The following FTO variants were observed in gnomAD, a reference collection of about 807,000 sequenced individuals.
The protein encoded by FTO is alpha-ketoglutarate-dependent dioxygenase FTO.
Under a neutral mutation model 63.9 loss-of-function variants are expected in FTO, and 47 were observed. The observed-to-expected ratio is 0.74, with a 90% CI of 0.58 to 0.94. FTO has a LOEUF of 0.94. FTO is among the 40% of genes least tolerant of loss of function. The probability of loss-of-function intolerance (pLI) is 0.00; values close to 1 mark genes in which losing one functional copy is unlikely to be tolerated. For missense variants in FTO, 562 were observed against 618.1 expected, an observed-to-expected ratio of 0.91 and a Z score of 0.96; for synonymous variants, 207 against 224.4, an observed-to-expected ratio of 0.92 and a Z score of 0.69.
intron 7 of FTO, among the ~76,000 whole-genome samples, chr16:53,926,721 T>C (rs2082146548): frequency 1.3e-5 from 2 of 152,136 alleles, no homozygotes; most frequent in Admixed American, 6.5e-5. Flanking sequence ...AAGTATAGTA[T>C]AGAATAGCCA....
chr16:53,714,106 G>A (rs992322418), intron 1 of FTO, among the ~76,000 whole-genome samples: 9 of 152,208 alleles, frequency 5.9e-5, no homozygotes, highest in Non-Finnish European at 1.3e-4. Flanking sequence ...ACAACTGGTA[G>A]AAACCAAGTA....
At chr16:53,763,270 A>G (rs2151609083) in intron 1 of FTO, among the ~76,000 whole-genome samples, 1 of 152,312 alleles carries the variant, frequency 6.6e-6, no homozygotes, top group Admixed American at 6.5e-5. Context: ...ATAAGGATGA[A>G]CCTTTTAAGA....
intron 8 of FTO, among the ~76,000 whole-genome samples, chr16:54,028,290 G>A (rs763205991): frequency 9.9e-5 from 15 of 152,088 alleles, no homozygotes; most frequent in Non-Finnish European, 1.6e-4. Context: ...TATAGCAGTG[G>A]ACCCAGGCAT....
At chr16:53,819,791 A>C (rs967290260) in intron 2 of FTO, among the ~76,000 whole-genome samples, 15 of 152,178 alleles carry the variant, frequency 9.9e-5, no homozygotes, top group Non-Finnish European at 1.5e-4. Context: ...AAATTTCCAG[A>C]GGCATACAAC....
chr16:53,772,922 AGCCTTTAGTTCT>A (rs1222449771), intron 1 of FTO, among the ~76,000 whole-genome samples: 7 of 152,164 alleles, frequency 4.6e-5, no homozygotes, highest in South Asian at 2.1e-4. Context: ...ACAGATTCAA[AGCCTTTAGTTCT>A]TTTCAGTCTT....
chr16:53,893,562 A>T (rs1484522147), intron 7 of FTO, among the ~76,000 whole-genome samples: 1 of 152,160 alleles, frequency 6.6e-6, no homozygotes, highest in African/African-American at 2.4e-5. Context: ...TATTTTACCT[A>T]TAAAAATGTT....
intron 8 of FTO, among the ~76,000 whole-genome samples, chr16:54,019,902 G>T (rs527494376): frequency 2.6e-5 from 4 of 152,280 alleles, no homozygotes; most frequent in South Asian, 4.1e-4. Flanking sequence ...AAAGAAGGTG[G>T]CTGGGAGGGG....
At chr16:53,947,795 G>T (rs1296506162) in intron 8 of FTO, among the ~76,000 whole-genome samples, 1 of 152,100 alleles carries the variant, frequency 6.6e-6, no homozygotes, top group Non-Finnish European at 1.5e-5. Context: ...TAGCTTGTTT[G>T]TATAGTTACT....
At chr16:53,889,175 A>G (rs1348554403) in intron 7 of FTO, among the ~76,000 whole-genome samples, 1 of 152,270 alleles carries the variant, frequency 6.6e-6, no homozygotes, top group African/African-American at 2.4e-5. Context: ...TGTGCTGGAC[A>G]TATACTATGA....
chr16:53,983,042 TCACATGGTAA>T (rs2083582719), intron 8 of FTO, among the ~76,000 whole-genome samples: 3 of 152,174 alleles, frequency 2.0e-5, no homozygotes, highest in African/African-American at 4.8e-5. Context: ...ACCCCGAGCC[TCACATGGTAA>T]AGTAATTACT....
chr16:53,804,492 C>G (rs2078304294), intron 1 of FTO, among the ~76,000 whole-genome samples: 1 of 152,096 alleles, frequency 6.6e-6, no homozygotes, highest in Non-Finnish European at 1.5e-5. Context: ...GCCATATTTT[C>G]ATGGAGAGGG....
rs976094447 is a variant in FTO, at chr16:54,111,625, C to G, written c.1365-137C>G. 2.4e-5 allele frequency: 21 copies of G among 882,412 alleles called. No homozygotes were observed. In the African/African-American group the frequency reaches 3.1e-4, roughly 13 times the overall value. The allele number at this position is 882,412 out of a possible 1,614,324, so 54.7% of individuals were successfully genotyped here. On this transcript the variant is annotated intron_variant, in intron 8 of 8. Coordinates refer to ENST00000471389, the MANE Select transcript of FTO (RefSeq NM_001080432.3). The stretch of plus-strand genomic sequence containing the variant: ...AACACCTGCGTTCCACCTGTAGATT[C>G]ATTCAGTCGTCACCATGACCTTCAC...
intron 4 of FTO, among the ~76,000 whole-genome samples, chr16:53,864,793 C>T (rs1028646194): frequency 6.6e-6 from 1 of 152,128 alleles, no homozygotes; most frequent in African/African-American, 2.4e-5. Context: ...GATGCACAAT[C>T]CATGAAGCTT....
chr16:53,885,842 G>A (rs1039143156), intron 6 of FTO, among the ~76,000 whole-genome samples: 1 of 152,124 alleles, frequency 6.6e-6, no homozygotes, highest in African/African-American at 2.4e-5. Flanking sequence ...TGGACCTCCT[G>A]GCTCAAGTGA....
intron 8 of FTO, among the ~76,000 whole-genome samples, chr16:53,971,981 T>A (rs2083332863): frequency 6.6e-6 from 1 of 152,136 alleles, no homozygotes; most frequent in Admixed American, 6.5e-5. Context: ...CTTCCCTCCT[T>A]CACCACTCTG....
chr16:53,897,349 G>A (rs1728453205), intron 7 of FTO, among the ~76,000 whole-genome samples: 1 of 151,912 alleles, frequency 6.6e-6, no homozygotes, highest in African/African-American at 2.4e-5. Flanking sequence ...ACTTGTTTTT[G>A]ATTGACAAAA....
chr16:53,826,167 A>T lies in FTO; in HGVS notation c.427A>T (p.Asn143Tyr). The T allele has an allele frequency of 6.2e-7, 1 of 1,614,138 alleles. No individual in the cohort carries two copies. Reference protein sequence around the residue: ...AAACETFLKLNDYLQIETIQA... With the variant: ...AAACETFLKLYDYLQIETIQA... ...TGCTTGTGAGACCTTCCTCAAGCTC[A>T]ATGACTACCTGCAGATAGAAACCAT... Residue 143 changes from asparagine (N) to tyrosine (Y), a missense_variant, in exon 3 of 9, where the codon AAT (asparagine) becomes TAT (tyrosine). By Grantham distance (143) the Asn-to-Tyr change is moderately radical. Transcript: ENST00000471389.
At chr16:53,875,041 C>T (rs1049428699) in intron 5 of FTO, among the ~76,000 whole-genome samples, 30 of 146,286 alleles carry the variant, frequency 2.1e-4, no homozygotes, top group African/African-American at 6.3e-4. Context: ...AAGAGGGAAG[C>T]GAGGGAGGAA....
chr16:53,800,574 T>C (rs1329898639), intron 1 of FTO, among the ~76,000 whole-genome samples: 1 of 152,210 alleles, frequency 6.6e-6, no homozygotes, highest in Non-Finnish European at 1.5e-5. Flanking sequence ...AAGACAAGGA[T>C]ATTGAAATCT....
Sources: gnomAD v4.1 joint callset for allele counts (sites outside exome capture counted in the v4.1 genomes callset) on GRCh38, gnomAD v4.1.1 for gene constraint, MANE v1.5 for transcripts, NCBI Gene and HGNC (gene_info 2026-07-23, HGNC 2026-07-21) for gene names.